The following TUBGCP6 variants were observed in gnomAD, a reference collection of about 807,000 sequenced individuals.
TUBGCP6 encodes the protein gamma-tubulin complex component 6.
A neutral mutation model predicts 175.8 loss-of-function variants in TUBGCP6; 161 were observed. The observed-to-expected ratio is 0.92, with a 90% CI of 0.81 to 1.04. The LOEUF (loss-of-function observed/expected upper bound fraction) is 1.04. Ranked by LOEUF, TUBGCP6 falls within the 50% of genes least tolerant of loss-of-function variation. The pLI is 0.00. For synonymous variants in TUBGCP6, 1,173 were observed against 1,030.5 expected (o/e 1.14, Z -2.65); for missense variants, 2,572 against 2,433.0 (o/e 1.06, Z -1.20).
chr22:50,235,161 T>TGGCAGCATCTACACCCCTATTCAC (rs2064755112), intron 2 of TUBGCP6, among the ~76,000 whole-genome samples: 1 of 142,652 alleles, frequency 7.0e-6, no homozygotes, highest in Non-Finnish European at 1.5e-5. Context: ...CCCCAGTCCA[T>TGGCAGCATCTACACCCCTATTCAC]GGCAGCATCT....
intron 2 of TUBGCP6, among the ~76,000 whole-genome samples, chr22:50,237,678 C>G (rs139507438): frequency 6.6e-6 from 1 of 151,932 alleles, no homozygotes; most frequent in Non-Finnish European, 1.5e-5. Flanking sequence ...CCCACCGTGC[C>G]GGAGCTCCGC....
chr22:50,228,147 A>G (rs965345568), intron 4 of TUBGCP6, 119 bp from the exon 5 acceptor site: 10 of 1,244,212 alleles, frequency 8.0e-6, no homozygotes, highest in Non-Finnish European at 1.1e-5. Flanking sequence ...TCTGGGCTCC[A>G]TTTCCAAGCA....
At chr22:50,221,905 G>A in intron 15 of TUBGCP6, 31 bp from the exon 16 acceptor site, 1 of 1,539,334 alleles carries the variant, frequency 6.5e-7, no homozygotes, top group Non-Finnish European at 8.8e-7. Flanking sequence ...GACCCAGTCT[G>A]GTCTCAGGAC....
intron 13 of TUBGCP6, 111 bp downstream of exon 13, chr22:50,224,030 G>A (rs890689316): frequency 3.2e-6 from 3 of 943,308 alleles, no homozygotes; most frequent in Non-Finnish European, 4.9e-6. Context: ...CTACCTTAAT[G>A]TATGTTTGAA....
At chr22:50,243,188 G>A (rs2064860876) in intron 1 of TUBGCP6, among the ~76,000 whole-genome samples, 1 of 152,046 alleles carries the variant, frequency 6.6e-6, no homozygotes. Flanking sequence ...GGTGGCTCAC[G>A]CCTGTAATCC....
intron 14 of TUBGCP6, 34 bp downstream of exon 14, chr22:50,222,420 G>T: frequency 6.2e-7 from 1 of 1,611,484 alleles, no homozygotes. Context: ...CCAAAGCCCA[G>T]GGGAAGAGCT....
At chr22:50,232,391 A>AAAAAG (rs1390015818) in intron 3 of TUBGCP6, among the ~76,000 whole-genome samples, 14 of 137,222 alleles carry the variant, frequency 1.0e-4, no homozygotes, top group Admixed American at 2.2e-4. Flanking sequence ...AAAGAAAAAG[A>AAAAAG]AAAAGAAAAG....
rs1390633113 is a variant in TUBGCP6 at position 50,226,727 on chromosome 22, G to A, written c.1601+6C>T. 2 of 1,574,832 alleles carry A rather than the reference G, an allele frequency of 1.3e-6. No individual in the cohort carries two copies. Among genetic ancestry groups the A allele is most frequent in the African/African-American group, 1.3e-5 (1 of 74,598 alleles). ...GCCCGCCGCGCCTGCCCAGCCCACTGCCCACCGGGTGTAGGGCTCGCAGCT... is the reference window on the plus strand; with the variant it reads ...GCCCGCCGCGCCTGCCCAGCCCACTACCCACCGGGTGTAGGGCTCGCAGCT... On this transcript the variant is annotated splice_donor_region_variant and intron_variant, in intron 7 of 24. Transcript: ENST00000248846.
At chr22:50,232,778 G>A (rs1461171598) in intron 3 of TUBGCP6, among the ~76,000 whole-genome samples, 2 of 152,240 alleles carry the variant, frequency 1.3e-5, no homozygotes, top group Admixed American at 1.3e-4. Flanking sequence ...ACAAAGGAAG[G>A]GGATGAGCAC....
chr22:50,231,768 G>A (rs1369989357), intron 3 of TUBGCP6, among the ~76,000 whole-genome samples: 2 of 150,728 alleles, frequency 1.3e-5, no homozygotes, highest in African/African-American at 2.4e-5. Context: ...GCTGAGGCAG[G>A]AGAATGGTGT....
intron 3 of TUBGCP6, among the ~76,000 whole-genome samples, chr22:50,231,347 G>A (rs12167312): frequency 0.082 from 12,136 of 147,990 alleles, 1,606 homozygotes; most frequent in African/African-American, 0.28. Flanking sequence ...CCAGCTACTT[G>A]GGAGGCTGAG....
At chr22:50,225,714 A>G in intron 10 of TUBGCP6, 80 bp downstream of exon 10, 3 of 1,526,254 alleles carry the variant, frequency 2.0e-6, no homozygotes, top group East Asian at 2.3e-5. Flanking sequence ...CACAGCCCTC[A>G]TGTCCGCCCC....
rs148598278 is a variant in TUBGCP6, at chr22:50,226,033, CAT to C, written c.1833+15_1833+16del. On this transcript the variant is annotated intron_variant, in intron 9 of 24. Coordinates refer to ENST00000248846, the MANE Select transcript of TUBGCP6 (RefSeq NM_020461.4). Reference sequence around the variant, plus strand: ...AAGACCGGCCCCTCTCTTCCCCACACATGAGCCCCTCCTCACCCGGGGGCAGC... The same window carrying C: ...AAGACCGGCCCCTCTCTTCCCCACACGAGCCCCTCCTCACCCGGGGGCAGC... 514 of 1,614,006 alleles carry C rather than the reference CAT, an allele frequency of 3.2e-4. 1 individual carries two copies. The highest frequency in any genetic ancestry group is 2.1e-3 in the African/African-American group (154 of 75,052).
In TUBGCP6 at chr22:50,224,555, G is replaced by C. The variant is rs35446002; in HGVS notation, c.2021C>G (p.Ala674Gly). 2 of 1,614,026 alleles carry C rather than the reference G, an allele frequency of 1.2e-6. No individual in the cohort carries two copies. The highest frequency in any genetic ancestry group is 1.7e-6 in the Non-Finnish European group (2 of 1,180,044). The part of the protein sequence containing the change: ...RMEIAKQELI[A>G]HAREAASRVL... Reference sequence around the variant, plus strand: ...CCTGGATGCTGCTTCCCGGGCATGAGCGATTAATTCTTGTTTTGCAATTTC... The same window carrying C: ...CCTGGATGCTGCTTCCCGGGCATGACCGATTAATTCTTGTTTTGCAATTTC... Residue 674 changes from alanine to glycine, a missense_variant, in exon 11 of 25, where the codon GCT becomes GGT. Transcript: ENST00000248846.
At chr22:50,226,422 G>A (rs1041277069) in intron 7 of TUBGCP6, 44 bp from the exon 8 acceptor site, 15 of 1,550,638 alleles carry the variant, frequency 9.7e-6, no homozygotes, top group African/African-American at 5.4e-5. Context: ...CAACGGAGAG[G>A]TGGGTGGGGC....
chr22:50,221,928 G>C, intron 15 of TUBGCP6, 54 bp from the exon 16 acceptor site: 5 of 1,561,616 alleles, frequency 3.2e-6, no homozygotes, highest in East Asian at 4.5e-5. Context: ...CCCAGCCCTC[G>C]AACTGTCCCC....
chr22:50,244,101 C>A lies in TUBGCP6; in HGVS notation c.359G>T (p.Ser120Ile). The A allele has an allele frequency of 6.2e-7, 1 of 1,613,600 alleles. No individual in the cohort carries two copies. The highest frequency in any genetic ancestry group is 2.2e-5 in the East Asian group (1 of 44,894). ...TCTCGGCAGAACTTGAGGGGGACCA[C>A]TCCCTGCCAGCTGAACCAGGAGGTC... ...VLDLLVQLAG[S>I]GPPQVLPRKR... The change falls in exon 1 of 25, where the codon AGT becomes ATT. Residue 120 changes from serine (S) to isoleucine (I), a missense_variant. Ser to Ile is a moderately radical substitution (Grantham distance 142). Transcript: ENST00000248846.
intron 4 of TUBGCP6, 111 bp from the exon 5 acceptor site, chr22:50,228,139 T>G: frequency 7.7e-7 from 1 of 1,302,186 alleles, no homozygotes; most frequent in Non-Finnish European, 1.0e-6. Context: ...GCCTCAGCTC[T>G]GGGCTCCATT....
intron 14 of TUBGCP6, 44 bp from the exon 15 acceptor site, chr22:50,222,146 G>A: frequency 1.3e-6 from 2 of 1,591,060 alleles, no homozygotes; most frequent in Non-Finnish European, 1.7e-6. Flanking sequence ...CCGGAGTCAA[G>A]CACAGCCCTA....
Sources: gnomAD v4.1 joint callset for allele counts (sites outside exome capture counted in the v4.1 genomes callset) on GRCh38, gnomAD v4.1.1 for gene constraint, MANE v1.5 for transcripts, NCBI Gene and HGNC (gene_info 2026-07-23, HGNC 2026-07-21) for gene names.